Variants in XCR1 observed in about 807,000 individuals in gnomAD.
XCR1 encodes chemokine XC receptor 1.
For synonymous variants in XCR1, 187 were observed against 188.5 expected, an observed-to-expected ratio of 0.99 and a Z score of 0.06; for missense variants, 356 against 424.2, an observed-to-expected ratio of 0.84 and a Z score of 1.41.
At chr3:46,053,135 A>C (rs1697780459) in intron 5 of XCR1, among the ~76,000 whole-genome samples, 1 of 152,220 alleles carries the variant, frequency 6.6e-6, no homozygotes, top group Non-Finnish European at 1.5e-5. Flanking sequence ...AGTTTGCGCC[A>C]AGTGTTTCAC....
rs140505844 is a variant in XCR1, at chr3:46,074,426, A to G, written c.-263+225T>C. On this transcript the variant is annotated intron_variant, in intron 3 of 5. Transcript: ENST00000683768. Reference sequence around the variant, plus strand: ...GGAGCTAAATAATGTATACACATGGACATAGAATGTGGAGTAATACACACT... The same window carrying G: ...GGAGCTAAATAATGTATACACATGGGCATAGAATGTGGAGTAATACACACT... Among the ~76,000 whole-genome samples the G allele has an allele frequency of 3.3e-3, 507 of 152,086 alleles. 3 individuals carry two copies. Among genetic ancestry groups the G allele is most frequent in the Admixed American group, 5.9e-3 (90 of 15,270 alleles).
At chr3:46,057,298 C>G (rs1052523772) in intron 4 of XCR1, among the ~76,000 whole-genome samples, 1 of 152,062 alleles carries the variant, frequency 6.6e-6, no homozygotes, top group African/African-American at 2.4e-5. Flanking sequence ...AAAATGCCAA[C>G]TAATTTATAG....
intron 4 of XCR1, among the ~76,000 whole-genome samples, chr3:46,054,388 G>A (rs1697812380): frequency 6.6e-6 from 1 of 152,044 alleles, no homozygotes; most frequent in Admixed American, 6.6e-5. Flanking sequence ...CAGATCCTGC[G>A]TTCATGATAA....
intron 5 of XCR1, among the ~76,000 whole-genome samples, chr3:46,042,447 TAGAG>T (rs1407403134): frequency 6.6e-6 from 1 of 152,100 alleles, no homozygotes; most frequent in African/African-American, 2.4e-5. Context: ...TAGAGATATA[TAGAG>T]AGAGAACTCC....
chr3:46,032,033 G>A (rs1234905361), upstream of XCR1, among the ~76,000 whole-genome samples: 1 of 152,210 alleles, frequency 6.6e-6, no homozygotes, highest in East Asian at 1.9e-4. Context: ...CTGTTCTATT[G>A]CTTGATAAAG....
chr3:46,051,684 C>T (rs1351412631), intron 5 of XCR1, among the ~76,000 whole-genome samples: 1 of 152,194 alleles, frequency 6.6e-6, no homozygotes, highest in Non-Finnish European at 1.5e-5. Flanking sequence ...GTAATAATTG[C>T]ACTATGTATT....
intron 1 of XCR1, among the ~76,000 whole-genome samples, chr3:46,025,418 A>G (rs745713703): frequency 6.7e-6 from 1 of 149,940 alleles, no homozygotes; most frequent in African/African-American, 2.5e-5. Flanking sequence ...GAAATAAAGA[A>G]AGAGAGAGAG....
At chr3:46,055,960 T>G (rs1242870861) in intron 4 of XCR1, among the ~76,000 whole-genome samples, 1 of 152,220 alleles carries the variant, frequency 6.6e-6, no homozygotes, top group Non-Finnish European at 1.5e-5. Flanking sequence ...AAATGGTGGT[T>G]GAGTGGGATT....
upstream of XCR1, among the ~76,000 whole-genome samples, chr3:46,030,157 T>C (rs1175092710): frequency 1.3e-5 from 2 of 152,088 alleles, no homozygotes; most frequent in South Asian, 2.1e-4. Context: ...TGGGTACTTT[T>C]CCCCCCACCG....
At chr3:46,026,332 T>C (rs1381805364) in intron 1 of XCR1, among the ~76,000 whole-genome samples, 1 of 152,152 alleles carries the variant, frequency 6.6e-6, no homozygotes, top group Non-Finnish European at 1.5e-5. Flanking sequence ...GGCTCCCTTT[T>C]GCTGGTTGTC....
In XCR1 at chr3:46,054,455, C is replaced by T. The variant is rs115827583; in HGVS notation, c.-182-385G>A. ...TGGAATGCTGAGTTGGTCAGTCCCA[C>T]GGGCGTTCGGCTCCCTGCAAAGTGG... On this transcript the variant is annotated intron_variant, in intron 4 of 5. Coordinates refer to the XCR1 transcript ENST00000683768. 4.3e-3 allele frequency among the ~76,000 whole-genome samples: 652 copies of T among 151,886 alleles called. 8 individuals are homozygous for T. The highest frequency in any genetic ancestry group is 0.015 in the African/African-American group (606 of 41,240).
Position 46,064,036 on chromosome 3 carries a change from A to G in XCR1, c.-183+2863T>C, listed in dbSNP as rs1418972147. Among the ~76,000 whole-genome samples, 3 of 152,066 alleles carry G rather than the reference A, an allele frequency of 2.0e-5. No homozygotes were observed. In the East Asian group the frequency reaches 5.8e-4, roughly 29 times the overall value. ...TAAAGGTGGATGTTACCATGCCAGG[A>G]TAATTTTTTTATTTTTAGTAGAGAC... On this transcript the variant is annotated intron_variant, in intron 4 of 5. Transcript: ENST00000683768.
intron 1 of XCR1, among the ~76,000 whole-genome samples, chr3:46,077,271 C>T (rs539314817): frequency 3.9e-5 from 6 of 152,088 alleles, no homozygotes; most frequent in South Asian, 2.1e-4. Flanking sequence ...GTATTACCAC[C>T]GGAGGTCCTC....
chr3:46,053,763 C>G (rs1697797593), intron 5 of XCR1, among the ~76,000 whole-genome samples: 1 of 152,064 alleles, frequency 6.6e-6, no homozygotes, highest in African/African-American at 2.4e-5. Flanking sequence ...TGAGAACTAA[C>G]CTGAGCACCA....
chr3:46,041,999 G>A (rs1215329185), intron 5 of XCR1, among the ~76,000 whole-genome samples: 1 of 152,188 alleles, frequency 6.6e-6, no homozygotes, highest in African/African-American at 2.4e-5. Flanking sequence ...AATATTCATT[G>A]TCTCCGTGAC....
In XCR1 at chr3:46,043,717, T is replaced by TACACACACACACACAC. The variant is rs144432920; in HGVS notation, c.-32+10187_-32+10202dup. On this transcript the variant is annotated intron_variant, in intron 5 of 5. Coordinates refer to the XCR1 transcript ENST00000683768. The stretch of plus-strand genomic sequence containing the variant: ...GGGCAACATAGTGAGACCTCATCTC[T>TACACACACACACACAC]ACACACACACACACACACACACACA... Among the ~76,000 whole-genome samples, 6 of 141,480 alleles carry TACACACACACACACAC rather than the reference T, an allele frequency of 4.2e-5. No homozygotes were observed. The East Asian group carries it at 1.3e-3, about 32-fold the overall frequency. 92.8% of individuals were successfully genotyped at this position (141,480 alleles called of 152,430 possible).
chr3:46,031,433 G>C (rs532542201), upstream of XCR1, among the ~76,000 whole-genome samples: 2 of 152,374 alleles, frequency 1.3e-5, no homozygotes, highest in East Asian at 3.9e-4. Flanking sequence ...CATGCTTGGG[G>C]CAGTGCTGAC....
chr3:46,020,988 G>A lies in XCR1; in HGVS notation c.960C>T (p.His320=), dbSNP rs1708128633. 5 of 1,612,812 alleles carry A rather than the reference G, an allele frequency of 3.1e-6. No individual in the cohort carries two copies. The Admixed American group carries it at 8.4e-5, about 27-fold the overall frequency. ...LQAPSPASIP[H]SPGAFAYEGA... is the part of the protein sequence containing the mutation. Reference sequence around the variant, plus strand: ...CCTCATAGGCGAAGGCACCAGGGGAGTGGGGGATCGAGGCTGGGCTGGGTG... The same window carrying A: ...CCTCATAGGCGAAGGCACCAGGGGAATGGGGGATCGAGGCTGGGCTGGGTG... The change falls in exon 2 of 2, where the codon CAC becomes CAT. Residue 320 remains histidine, a synonymous_variant. Coordinates refer to ENST00000309285, the MANE Select transcript of XCR1 (RefSeq NM_001024644.2).
At chr3:46,025,661 A>G (rs1708273762) in intron 1 of XCR1, among the ~76,000 whole-genome samples, 1 of 152,238 alleles carries the variant, frequency 6.6e-6, no homozygotes, top group African/African-American at 2.4e-5. Context: ...CATTTGTTAT[A>G]GAAATATAAT....
Sources: gnomAD v4.1 joint callset for allele counts (sites outside exome capture counted in the v4.1 genomes callset) on GRCh38, gnomAD v4.1.1 for gene constraint, MANE v1.5 for transcripts, NCBI Gene and HGNC (gene_info 2026-07-23, HGNC 2026-07-21) for gene names.